RHPN2: variants seen among roughly 807,000 people sequenced by gnomAD.
RHPN2 encodes rhophilin-2.
Under a neutral mutation model 79.0 loss-of-function variants are expected in RHPN2, and 40 were observed. The ratio of observed to expected loss-of-function variants is 0.51; its 90% CI spans 0.39 to 0.66. The LOEUF (loss-of-function observed/expected upper bound fraction) is 0.66, where lower values mean the gene tolerates loss of function less well. Ranked by LOEUF, RHPN2 falls within the 30% of genes least tolerant of loss-of-function variation. RHPN2 has a pLI of 0.00. For missense variants in RHPN2, 686 were observed against 883.5 expected, an observed-to-expected ratio of 0.78 and a Z score of 2.83; for synonymous variants, 285 against 363.5, an observed-to-expected ratio of 0.78 and a Z score of 2.46.
rs200381045 is a variant in RHPN2, at chr19:33,002,377, G to C, written c.975C>G (p.His325Gln). ...TCACCGGCGCCTGGCTCATGGCTGCGTGTAGCTGTTGGTAGACCTCTCCCA... is the reference window on the plus strand; with the variant it reads ...TCACCGGCGCCTGGCTCATGGCTGCCTGTAGCTGTTGGTAGACCTCTCCCA... The part of the protein sequence containing the change: ...AKVGEVYQQL[H>Q]AAMSQAPVKE... Residue 325 changes from histidine (H) to glutamine (Q), a missense_variant, in exon 9 of 15, where the codon CAC (histidine) becomes CAG (glutamine). His to Gln is a conservative substitution (Grantham distance 24). Coordinates refer to ENST00000254260, the MANE Select transcript of RHPN2 (RefSeq NM_033103.5). 8 of 1,613,928 alleles carry C rather than the reference G, an allele frequency of 5.0e-6. No homozygotes were observed. The highest frequency in any genetic ancestry group is 6.8e-6 in the Non-Finnish European group (8 of 1,179,858).
At chr19:33,050,913 G>T (rs1356457636) in intron 1 of RHPN2, among the ~76,000 whole-genome samples, 2 of 152,108 alleles carry the variant, frequency 1.3e-5, no homozygotes, top group Non-Finnish European at 2.9e-5. Context: ...GTGTTTATCT[G>T]CCAAAGTTAT....
chr19:33,019,129 G>A (rs1971902927), intron 4 of RHPN2, among the ~76,000 whole-genome samples: 1 of 151,860 alleles, frequency 6.6e-6, no homozygotes, highest in Admixed American at 6.6e-5. Flanking sequence ...TCCAAGATGA[G>A]CCAATTAAGA....
chr19:33,027,729 T>C (rs1324911498), intron 2 of RHPN2, among the ~76,000 whole-genome samples: 2 of 151,932 alleles, frequency 1.3e-5, no homozygotes, highest in Non-Finnish European at 1.5e-5. Context: ...CAATATAATA[T>C]AATATATTAA....
chr19:33,002,108 G>C (rs1599813068), intron 9 of RHPN2, 139 bp downstream of exon 9: 4 of 1,079,468 alleles, frequency 3.7e-6, no homozygotes, highest in African/African-American at 1.6e-5. Flanking sequence ...AGCTGCCTCA[G>C]TCATGGGTCA....
intron 1 of RHPN2, among the ~76,000 whole-genome samples, chr19:33,051,363 C>T (rs931513986): frequency 3.9e-5 from 6 of 152,152 alleles, no homozygotes; most frequent in Admixed American, 2.6e-4. Context: ...CTGTAAGACA[C>T]GTATTTAAGA....
chr19:32,998,799 GGGAGGGGA>G (rs1358236023), intron 10 of RHPN2, among the ~76,000 whole-genome samples: 7 of 143,794 alleles, frequency 4.9e-5, no homozygotes. Context: ...GAGAGGAGAG[GGGAGGGGA>G]GGAGGGGAGA....
intron 4 of RHPN2, among the ~76,000 whole-genome samples, chr19:33,015,270 C>T (rs936493737): frequency 1.7e-4 from 26 of 152,004 alleles, no homozygotes; most frequent in African/African-American, 6.3e-4. Context: ...ACTAAAAATA[C>T]AAAAATTAAC....
intron 2 of RHPN2, among the ~76,000 whole-genome samples, chr19:33,031,667 C>A (rs894264829): frequency 6.6e-6 from 1 of 151,634 alleles, no homozygotes; most frequent in Non-Finnish European, 1.5e-5. Context: ...TACAGATATG[C>A]ACCATTGCGC....
chr19:33,055,040 G>A (rs1235910836), intron 1 of RHPN2, among the ~76,000 whole-genome samples: 1 of 152,166 alleles, frequency 6.6e-6, no homozygotes, highest in African/African-American at 2.4e-5. Flanking sequence ...GCCACAGTCA[G>A]CCTGGATCCA....
At chr19:32,988,044 A>T (rs1568308976) in intron 14 of RHPN2, among the ~76,000 whole-genome samples, 2 of 151,964 alleles carry the variant, frequency 1.3e-5, no homozygotes, top group Non-Finnish European at 2.9e-5. Flanking sequence ...TAGATAGATA[A>T]ACAAATTAGC....
Position 33,064,859 on chromosome 19 carries a change from G to T in RHPN2, c.-7C>A. 2.0e-6 allele frequency: 3 copies of T among 1,503,280 alleles called. No individual in the cohort carries two copies. The highest frequency in any genetic ancestry group is 2.6e-6 in the Non-Finnish European group (3 of 1,132,982). 93.1% of individuals were successfully genotyped at this position (1,503,280 alleles called of 1,614,324 possible). A position where few individuals can be genotyped will look rare whatever the true frequency, so the allele number is the denominator to read the frequency against. On this transcript the variant is annotated 5_prime_UTR_variant, in exon 1 of 15. Transcript: ENST00000254260. ...GCAACAGCGCGTCGGTCATGCTAGC[G>T]GCGCGGGCGCGGAGGGCGGACGGCG...
intron 5 of RHPN2, 32 bp downstream of exon 5, chr19:33,012,615 C>G (rs943851229): frequency 4.2e-5 from 58 of 1,384,318 alleles, no homozygotes; most frequent in Middle Eastern, 1.8e-4. Context: ...GGAAAAGCCA[C>G]CCTCCCCTCT....
intron 13 of RHPN2, chr19:32,991,415 C>T (rs1244639360): frequency 1.6e-5 from 4 of 257,306 alleles, no homozygotes; most frequent in Admixed American, 5.2e-5. Context: ...ACCAAGATCG[C>T]GCCACTGCAC....
At chr19:33,042,284 T>C (rs1358420444) in intron 2 of RHPN2, among the ~76,000 whole-genome samples, 1 of 151,894 alleles carries the variant, frequency 6.6e-6, no homozygotes, top group African/African-American at 2.4e-5. Context: ...GCTGCCCACC[T>C]GCCCCCTTGG....
At chr19:33,059,816 G>A (rs1023438268) in intron 1 of RHPN2, among the ~76,000 whole-genome samples, 1 of 152,062 alleles carries the variant, frequency 6.6e-6, no homozygotes, top group East Asian at 1.9e-4. Context: ...GACTTGTCAC[G>A]CCTTGCTCGA....
At chr19:33,023,754 C>G (rs1191339316) in intron 3 of RHPN2, among the ~76,000 whole-genome samples, 1 of 143,552 alleles carries the variant, frequency 7.0e-6, no homozygotes, top group Non-Finnish European at 1.5e-5. Context: ...CACTGCACTC[C>G]AGCCTGGGCG....
intron 4 of RHPN2, among the ~76,000 whole-genome samples, chr19:33,020,381 A>G (rs1971913478): frequency 6.8e-6 from 1 of 146,290 alleles, no homozygotes; most frequent in Admixed American, 7.0e-5. Flanking sequence ...GCTGGAGTGC[A>G]GTGGCACAAT....
rs535087805 is a variant in RHPN2 at position 33,036,872 on chromosome 19, C to A, written c.185+7377G>T. 1.6e-3 allele frequency among the ~76,000 whole-genome samples: 235 copies of A among 143,568 alleles called. 5 individuals are homozygous for A. The highest frequency in any genetic ancestry group is 4.6e-3 in the African/African-American group (170 of 36,764). 94.2% of individuals were successfully genotyped at this position (143,568 alleles called of 152,430 possible). On this transcript the variant is annotated intron_variant, in intron 2 of 14. Coordinates refer to ENST00000254260, the MANE Select transcript of RHPN2 (RefSeq NM_033103.5). ...CACCTGTAGCCCGCCATGCCTGAGC[C>A]CCCCCGCCACCCTCTGTGGGCTCCT...
At chr19:33,008,687 T>C (rs866534390) in intron 6 of RHPN2, among the ~76,000 whole-genome samples, 7 of 152,036 alleles carry the variant, frequency 4.6e-5, no homozygotes, top group South Asian at 2.1e-4. Context: ...GAAGAATCAC[T>C]TGAACCCGAG....
Sources: gnomAD v4.1 joint callset for allele counts (sites outside exome capture counted in the v4.1 genomes callset) on GRCh38, gnomAD v4.1.1 for gene constraint, MANE v1.5 for transcripts, NCBI Gene and HGNC (gene_info 2026-07-23, HGNC 2026-07-21) for gene names.